CNTRL: variants seen among roughly 807,000 people sequenced by gnomAD.
The protein encoded by CNTRL is 110 kDa centrosomal protein.
In CNTRL, 233 loss-of-function variants were observed where a neutral mutation model predicts 303.7. That is an observed-to-expected ratio of 0.77 (90% confidence interval 0.69 to 0.86). The LOEUF (loss-of-function observed/expected upper bound fraction) is 0.86, where lower values mean the gene tolerates loss of function less well. CNTRL is among the 40% of genes least tolerant of loss of function. The pLI, the probability that CNTRL is intolerant of heterozygous loss-of-function variation, is 0.00. For missense variants in CNTRL, 2,524 were observed against 2,650.6 expected, an observed-to-expected ratio of 0.95 and a Z score of 1.05; for synonymous variants, 900 against 922.2, an observed-to-expected ratio of 0.98 and a Z score of 0.44.
chr9:121,149,775 C>T (rs552144035), intron 24 of CNTRL, among the ~76,000 whole-genome samples: 26 of 152,124 alleles, frequency 1.7e-4, no homozygotes, highest in Non-Finnish European at 2.4e-4. Flanking sequence ...AACATATTTC[C>T]TGGTTTTAGG....
At chr9:121,143,451 A>G (rs1268687960) in intron 19 of CNTRL, among the ~76,000 whole-genome samples, 1 of 152,092 alleles carries the variant, frequency 6.6e-6, no homozygotes, top group African/African-American at 2.4e-5. Flanking sequence ...CCCCTCCTGT[A>G]GCTTCCTTTG....
intron 23 of CNTRL, among the ~76,000 whole-genome samples, chr9:121,147,120 T>G (rs1390990311): frequency 6.6e-6 from 1 of 152,152 alleles, no homozygotes; most frequent in Non-Finnish European, 1.5e-5. Context: ...CTCCGGTTTC[T>G]GCCTCCTGAG....
chr9:121,142,052 T>A, intron 18 of CNTRL, 39 bp from the exon 19 acceptor site: 1 of 1,499,104 alleles, frequency 6.7e-7, no homozygotes, highest in African/African-American at 1.4e-5. Context: ...AAAACATATT[T>A]TGCCTAAAAA....
chr9:121,120,523 T>C (rs1453138990), intron 12 of CNTRL, among the ~76,000 whole-genome samples: 1 of 152,208 alleles, frequency 6.6e-6, no homozygotes, highest in East Asian at 1.9e-4. Flanking sequence ...CCTACTGGTA[T>C]CCGTATCCCC....
Position 121,142,253 on chromosome 9 carries a change from C to T in CNTRL, c.2854C>T (p.Arg952Ter), listed in dbSNP as rs144941298. Residue 952 changes from arginine to a stop codon, truncating the protein, a stop_gained, in exon 19 of 44, where the codon CGA becomes TGA. Coordinates refer to ENST00000373855, the MANE Select transcript of CNTRL (RefSeq NM_007018.6). LOFTEE classifies it high-confidence loss of function. ...GAAGGAGAGAATTCTGGCCCAACTC[C>T]GAGAGTTAGAGAAAAAGGTAGGGGA... is the stretch of plus-strand genomic sequence containing the variant. ...EEKERILAQL[R>*]ELEKKKKLED... 1.4e-5 allele frequency: 23 copies of T among 1,600,690 alleles called. No homozygotes were observed. Among genetic ancestry groups the T allele is most frequent in the Non-Finnish European group, 1.7e-5 (20 of 1,176,344 alleles).
chr9:121,162,411 A>C, intron 34 of CNTRL, 140 bp downstream of exon 34: 1 of 690,944 alleles, frequency 1.4e-6, no homozygotes, highest in Non-Finnish European at 2.5e-6. Context: ...TGCCAGTTGC[A>C]TTTTTTTGGA....
chr9:121,098,411 C>T lies in CNTRL; in HGVS notation c.647C>T (p.Pro216Leu), dbSNP rs10818504. ...SSLQDISKLK[P>L]LQDLISLILV... ...CTCCAAGATATAAGCAAGTTGAAAC[C>T]GCTTCAAGATTTGATTTCTCTGATC... is the stretch of plus-strand genomic sequence containing the variant. Residue 216 changes from proline to leucine, a missense_variant, in exon 7 of 44, where the codon CCG becomes CTG. Pro to Leu is a moderately conservative substitution (Grantham distance 98). Coordinates refer to ENST00000373855, the MANE Select transcript of CNTRL (RefSeq NM_007018.6). 0.44 allele frequency: 704,108 copies of T among 1,607,362 alleles called. 160,565 individuals carry two copies. The highest frequency in any genetic ancestry group is 0.65 in the South Asian group (58,892 of 90,710).
chr9:121,166,948 G>C (rs1336541885), intron 36 of CNTRL, among the ~76,000 whole-genome samples: 1 of 151,684 alleles, frequency 6.6e-6, no homozygotes, highest in South Asian at 2.1e-4. Flanking sequence ...TTGAACCCGA[G>C]AGGCGGAGGT....
In CNTRL at chr9:121,171,342, G is replaced by A. The variant is rs770763765; in HGVS notation, c.6277-66G>A. ...GAATGAAGTTATAGAGCTAGTGAGT[G>A]TGTAAGCCAGCAAACCACACCTCCA... On this transcript the variant is annotated intron_variant, in intron 39 of 43. Coordinates refer to ENST00000373855, the MANE Select transcript of CNTRL (RefSeq NM_007018.6). 14 of 1,570,282 alleles carry A rather than the reference G, an allele frequency of 8.9e-6. No individual in the cohort carries two copies. In the South Asian group the frequency reaches 1.1e-4, roughly 13 times the overall value.
rs1045027362 is a variant in CNTRL, at chr9:121,167,721, C to T, written c.5844+44C>T. ...TTTACATAAAAAAAGCATTTTGTGG[C>T]TCATGTGAGCCTATTTTTCCCCTGG... is the stretch of plus-strand genomic sequence containing the variant. On this transcript the variant is annotated intron_variant, in intron 37 of 43. Coordinates refer to ENST00000373855, the MANE Select transcript of CNTRL (RefSeq NM_007018.6). 6 of 1,540,642 alleles carry T rather than the reference C, an allele frequency of 3.9e-6. No homozygotes were observed. In the African/African-American group the frequency reaches 5.5e-5, roughly 14 times the overall value.
chr9:121,141,555 C>G lies in CNTRL; in HGVS notation c.2658C>G (p.Phe886Leu). ...QEKLATGQEE[F>L]RQACERALEA... is the part of the protein sequence containing the mutation. ...AACTGGCAACTGGACAAGAAGAGTT[C>G]AGGCAGGCCTGTGAGAGAGCCCTGG... is the stretch of plus-strand genomic sequence containing the variant. The change falls in exon 18 of 44, where the codon TTC becomes TTG. Residue 886 changes from phenylalanine (F) to leucine (L), a missense_variant. Coordinates refer to ENST00000373855, the MANE Select transcript of CNTRL (RefSeq NM_007018.6). 1 of 1,614,056 alleles carries G rather than the reference C, an allele frequency of 6.2e-7. No homozygotes were observed. The highest frequency in any genetic ancestry group is 8.5e-7 in the Non-Finnish European group (1 of 1,179,992).
Position 121,141,391 on chromosome 9 carries a change from C to A in CNTRL, c.2494C>A (p.Pro832Thr). Residue 832 changes from proline to threonine, a missense_variant, in exon 18 of 44, where the codon CCT becomes ACT. Physicochemically the swap from Pro to Thr is conservative, Grantham distance 38 (BLOSUM62 -1). Transcript: ENST00000373855. ...CCCCCTCCTTACTAGCATCCATAGT[C>A]CTTCAGATGTCTTAGGGAAAAGTCT... is the stretch of plus-strand genomic sequence containing the variant. ...LGTGEMNIHS[P>T]SDVLGKSLAD... The A allele has an allele frequency of 6.2e-7, 1 of 1,612,696 alleles. No individual in the cohort carries two copies. Among genetic ancestry groups the A allele is most frequent in the South Asian group, 1.1e-5 (1 of 91,028 alleles).
At chr9:121,145,989 CTG>C (rs1329383455) in intron 22 of CNTRL, 117 bp from the exon 23 acceptor site, 7 of 879,188 alleles carry the variant, frequency 8.0e-6, no homozygotes, top group Admixed American at 6.6e-5. Flanking sequence ...AAAGGGCAGA[CTG>C]AAAGTCAGCT....
chr9:121,169,879 C>T, intron 39 of CNTRL, 63 bp downstream of exon 39: 3 of 1,308,694 alleles, frequency 2.3e-6, no homozygotes, highest in Non-Finnish European at 2.2e-6. Flanking sequence ...TAAACTGCAA[C>T]ACCACTTCAA....
intron 17 of CNTRL, 95 bp downstream of exon 17, chr9:121,140,881 C>T (rs1588232991): frequency 1.7e-6 from 2 of 1,200,944 alleles, no homozygotes; most frequent in South Asian, 3.9e-5. Flanking sequence ...TTTCTAAGTT[C>T]TGTTAATGGC....
Position 121,090,951 on chromosome 9 carries a change from G to A in CNTRL, c.348+546G>A, listed in dbSNP as rs1396505714. Among the ~76,000 whole-genome samples the A allele has an allele frequency of 2.0e-5, 3 of 152,176 alleles. 1 individual carries two copies. In the South Asian group the frequency reaches 6.2e-4, roughly 32 times the overall value. On this transcript the variant is annotated intron_variant, in intron 4 of 43. Coordinates refer to ENST00000373855, the MANE Select transcript of CNTRL (RefSeq NM_007018.6). The stretch of plus-strand genomic sequence containing the variant: ...TGGAAGGCAAAGAGGAGCAAGTCAC[G>A]TCTTACATGGATGGCAGCAGGCCTA...
At chr9:121,076,789 A>G (rs1378352156) in intron 1 of CNTRL, among the ~76,000 whole-genome samples, 2 of 152,138 alleles carry the variant, frequency 1.3e-5, no homozygotes, top group Admixed American at 6.5e-5. Context: ...AGGAATCGGA[A>G]TCAGGATATT....
In CNTRL at chr9:121,167,567, G is replaced by A. The variant is rs765433331; in HGVS notation, c.5734G>A (p.Ala1912Thr). 44 of 1,613,912 alleles carry A rather than the reference G, an allele frequency of 2.7e-5. 2 individuals carry two copies. The Middle Eastern group carries it at 8.2e-4, about 30-fold the overall frequency. The change falls in exon 37 of 44, where the codon GCA becomes ACA. Residue 1912 changes from alanine (A) to threonine (T), a missense_variant. By Grantham distance (58) the Ala-to-Thr change is moderately conservative (BLOSUM62 0). Coordinates refer to ENST00000373855, the MANE Select transcript of CNTRL (RefSeq NM_007018.6). ...ACTCCAGAAGGACATCAGTGAATGG[G>A]CAAATAGGTTTGAAGACTGTCAGAA... ...TRLQKDISEW[A>T]NRFEDCQKEE...
intron 11 of CNTRL, among the ~76,000 whole-genome samples, chr9:121,118,144 T>C (rs1205631188): frequency 6.6e-6 from 1 of 152,150 alleles, no homozygotes. Context: ...TTAGTTTTCA[T>C]AAACTTTTAT....
Sources: gnomAD v4.1 joint callset for allele counts (sites outside exome capture counted in the v4.1 genomes callset) on GRCh38, gnomAD v4.1.1 for gene constraint, MANE v1.5 for transcripts, NCBI Gene and HGNC (gene_info 2026-07-23, HGNC 2026-07-21) for gene names.